Variants in RUNX2 observed in about 807,000 individuals in gnomAD.
RUNX2 encodes the protein runt-related transcription factor 2.
RUNX2 carries 10 observed loss-of-function variants against 51.7 expected under a neutral mutation model. That is an observed-to-expected ratio of 0.19 (90% CI 0.12 to 0.33). The LOEUF is 0.33. Among genes scored for constraint, RUNX2 ranks in the 10% least tolerant of loss-of-function variants. RUNX2 has a pLI of 1.00. For missense variants in RUNX2, 562 were observed against 691.3 expected, an observed-to-expected ratio of 0.81 and a Z score of 2.10; for synonymous variants, 276 against 273.6, an observed-to-expected ratio of 1.01 and a Z score of -0.09.
intron 2 of RUNX2, among the ~76,000 whole-genome samples, chr6:45,405,543 C>T (rs1797815297): frequency 6.6e-6 from 1 of 152,208 alleles, no homozygotes; most frequent in Non-Finnish European, 1.5e-5. Context: ...AATCCCAGCA[C>T]TTTGGGAGGC....
chr6:45,413,592 G>A (rs1798001449), intron 2 of RUNX2, among the ~76,000 whole-genome samples: 1 of 151,646 alleles, frequency 6.6e-6, no homozygotes, highest in African/African-American at 2.4e-5. Context: ...TACCACACCT[G>A]GCTAATTTTT....
intron 2 of RUNX2, among the ~76,000 whole-genome samples, chr6:45,413,799 A>T (rs975453879): frequency 3.9e-5 from 6 of 152,128 alleles, no homozygotes; most frequent in Non-Finnish European, 8.8e-5. Context: ...ATAACATATT[A>T]AAAAAATAAA....
intron 2 of RUNX2, among the ~76,000 whole-genome samples, chr6:45,399,925 AAATTCATTTTCTTTAGAAAGATG>A (rs1420810084): frequency 5.3e-5 from 8 of 150,462 alleles, no homozygotes; most frequent in Non-Finnish European, 1.5e-5. Flanking sequence ...CTGTACCTTG[AAATTCATTTTCTTTAGAAAGATG>A]AATTCATTTT....
chr6:45,485,716 T>TATATACAC (rs1554394671), intron 5 of RUNX2, among the ~76,000 whole-genome samples: 58 of 126,518 alleles, frequency 4.6e-4, no homozygotes, highest in Non-Finnish European at 9.1e-4. Context: ...TATATATATA[T>TATATACAC]ACACATATTT....
intron 6 of RUNX2, among the ~76,000 whole-genome samples, chr6:45,498,330 C>A (rs1257560053): frequency 1.3e-5 from 2 of 152,186 alleles, no homozygotes; most frequent in Non-Finnish European, 2.9e-5. Context: ...CTGAAGGCTA[C>A]TTCAGCTATT....
intron 2 of RUNX2, among the ~76,000 whole-genome samples, chr6:45,392,205 T>C (rs1050885509): frequency 6.6e-6 from 1 of 152,186 alleles, no homozygotes; most frequent in Admixed American, 6.5e-5. Flanking sequence ...TATTTTTTAC[T>C]ATTTATATTT....
chr6:45,380,607 C>T (rs997324050), intron 2 of RUNX2, among the ~76,000 whole-genome samples: 24 of 152,122 alleles, frequency 1.6e-4, no homozygotes, highest in African/African-American at 5.1e-4. Context: ...GACAGAGTCT[C>T]GCTCTGTCAC....
chr6:45,343,222 A>C (rs1790173817), intron 2 of RUNX2, among the ~76,000 whole-genome samples: 1 of 152,122 alleles, frequency 6.6e-6, no homozygotes, highest in Non-Finnish European at 1.5e-5. Flanking sequence ...AAAAATGCAG[A>C]ATCTCAGCCG....
At chr6:45,372,040 C>A (rs983992108) in intron 2 of RUNX2, 46 of 965,970 alleles carry the variant, frequency 4.8e-5, no homozygotes, top group Admixed American at 6.2e-5. Context: ...AAAAGTTTAT[C>A]ATAACTAACC....
Position 45,420,342 on chromosome 6 carries a change from C to T in RUNX2, c.59-2251C>T, listed in dbSNP as rs113948262. On this transcript the variant is annotated intron_variant, in intron 2 of 8. Coordinates refer to ENST00000647337, the MANE Select transcript of RUNX2 (RefSeq NM_001024630.4). ...TCCAGGCCCCTTCTAGGGCGCAGACCCGGGCGTGGGCTCAGCGAGTGGGAG... is the reference window on the plus strand; with the variant it reads ...TCCAGGCCCCTTCTAGGGCGCAGACTCGGGCGTGGGCTCAGCGAGTGGGAG... 2.1e-3 allele frequency among the ~76,000 whole-genome samples: 315 copies of T among 152,316 alleles called. 2 individuals are homozygous for T. The highest frequency in any genetic ancestry group is 7.3e-3 in the African/African-American group (304 of 41,580).
rs557548440 is a variant in RUNX2 at position 45,383,870 on chromosome 6, G to A, written c.59-38723G>A. On this transcript the variant is annotated intron_variant, in intron 2 of 8. Coordinates refer to ENST00000647337, the MANE Select transcript of RUNX2 (RefSeq NM_001024630.4). ...TATTCCTACTTCACATTCTGAAGGT[G>A]GATGCAACAAACCTATTTTGACTAA... 7.9e-5 allele frequency among the ~76,000 whole-genome samples: 12 copies of A among 152,268 alleles called. 1 individual carries two copies. In the South Asian group the frequency reaches 2.5e-3, roughly 32 times the overall value.
chr6:45,421,179 T>C (rs2150361049), intron 2 of RUNX2: 1 of 152,298 alleles, frequency 6.6e-6, no homozygotes, highest in Admixed American at 6.5e-5. Flanking sequence ...TAATAAAATA[T>C]TTAAATTCAT....
At chr6:45,536,584 T>C (rs1802041495) in intron 7 of RUNX2, among the ~76,000 whole-genome samples, 1 of 152,184 alleles carries the variant, frequency 6.6e-6, no homozygotes, top group South Asian at 2.1e-4. Context: ...AAAAAAATAG[T>C]GCCCCCAGCT....
chr6:45,394,118 G>C (rs1670088359), intron 2 of RUNX2, among the ~76,000 whole-genome samples: 1 of 151,880 alleles, frequency 6.6e-6, no homozygotes, highest in Non-Finnish European at 1.5e-5. Context: ...TCACCATGTT[G>C]TTCAGGCTGG....
intron 5 of RUNX2, among the ~76,000 whole-genome samples, chr6:45,481,660 G>T (rs1348226084): frequency 3.9e-5 from 6 of 152,190 alleles, no homozygotes; most frequent in Non-Finnish European, 7.3e-5. Context: ...TGGGCATAAT[G>T]TAATAACATC....
chr6:45,452,889 C>A (rs1799214345), intron 5 of RUNX2, among the ~76,000 whole-genome samples: 1 of 152,190 alleles, frequency 6.6e-6, no homozygotes, highest in African/African-American at 2.4e-5. Context: ...ATAACTTGGG[C>A]TCCATGGCTC....
intron 5 of RUNX2, among the ~76,000 whole-genome samples, chr6:45,479,200 G>A (rs1800041898): frequency 6.6e-6 from 1 of 152,190 alleles, no homozygotes; most frequent in Non-Finnish European, 1.5e-5. Flanking sequence ...GGACCCAGAA[G>A]AGAAAGAATT....
chr6:45,482,758 G>A (rs1021122249), intron 5 of RUNX2, among the ~76,000 whole-genome samples: 7 of 152,078 alleles, frequency 4.6e-5, no homozygotes, highest in African/African-American at 1.7e-4. Flanking sequence ...ATGTAATTAT[G>A]TCTCTTGAGT....
At chr6:45,438,153 C>A in intron 5 of RUNX2, 102 bp downstream of exon 5, 1 of 769,360 alleles carries the variant, frequency 1.3e-6, no homozygotes. Context: ...TCCATAGTGT[C>A]TTTGTGGACT....
Sources: gnomAD v4.1 joint callset for allele counts (sites outside exome capture counted in the v4.1 genomes callset) on GRCh38, gnomAD v4.1.1 for gene constraint, MANE v1.5 for transcripts, NCBI Gene and HGNC (gene_info 2026-07-23, HGNC 2026-07-21) for gene names.